ARHGEF4: variants seen among roughly 807,000 people sequenced by gnomAD.
ARHGEF4 encodes the protein Rho guanine nucleotide exchange factor 4.
In ARHGEF4, 119 loss-of-function variants were observed where a neutral mutation model predicts 162.0. The observed-to-expected ratio is 0.73, with a 90% CI of 0.63 to 0.86. The LOEUF (loss-of-function observed/expected upper bound fraction) is 0.86. Among genes scored for constraint, ARHGEF4 ranks in the 40% least tolerant of loss-of-function variants. The probability of loss-of-function intolerance (pLI) is 0.00; values close to 1 mark genes in which losing one functional copy is unlikely to be tolerated. For synonymous variants in ARHGEF4, 1,014 were observed against 979.9 expected (o/e 1.03, Z -0.65); for missense variants, 2,488 against 2,456.0 (o/e 1.01, Z -0.28).
chr2:130,974,616 ATTT>A (rs70994726), intron 4 of ARHGEF4, among the ~76,000 whole-genome samples: 2,932 of 134,212 alleles, frequency 0.022, 148 homozygotes, highest in East Asian at 0.21. Context: ...ACACCCAGCT[ATTT>A]TTTTTTTTTT....
At chr2:131,029,393 C>CT (rs933608791) in intron 5 of ARHGEF4, among the ~76,000 whole-genome samples, 10 of 152,070 alleles carry the variant, frequency 6.6e-5, no homozygotes, top group Admixed American at 6.6e-4. Flanking sequence ...AAATAATGCG[C>CT]TACTCAAAAT....
intron 4 of ARHGEF4, among the ~76,000 whole-genome samples, chr2:130,984,937 T>G (rs906582962): frequency 1.3e-5 from 2 of 152,012 alleles, no homozygotes; most frequent in African/African-American, 4.8e-5. Context: ...ACAAAAGACA[T>G]GCACTTGCCC....
At position 130,946,645 on chromosome 2, in the gene ARHGEF4, G is replaced by T. The variant is rs374400672; in HGVS notation, c.3985+10G>T. The T allele has an allele frequency of 1.2e-6, 2 of 1,613,670 alleles. No homozygotes were observed. The highest frequency in any genetic ancestry group is 2.2e-5 in the South Asian group (2 of 91,060). The stretch of plus-strand genomic sequence containing the variant: ...CACACACCAGGCACTGGTGAGTTAC[G>T]CGCCTCTCTCTTTTGCTATGTACTC... On this transcript the variant is annotated intron_variant, in intron 4 of 13. Coordinates refer to ENST00000409359, the MANE Select transcript of ARHGEF4 (RefSeq NM_001367493.1).
At chr2:130,965,885 G>C (rs1684968762) in intron 4 of ARHGEF4, among the ~76,000 whole-genome samples, 1 of 152,182 alleles carries the variant, frequency 6.6e-6, no homozygotes, top group African/African-American at 2.4e-5. Flanking sequence ...TTGGGAGCAG[G>C]GGGTGGGGAA....
intron 1 of ARHGEF4, among the ~76,000 whole-genome samples, chr2:130,843,367 C>T (rs1411837247): frequency 6.6e-6 from 1 of 152,182 alleles, no homozygotes. Context: ...TGAGCTGAGG[C>T]GGGCTGCCCT....
chr2:130,997,707 T>A (rs375341297), intron 4 of ARHGEF4, among the ~76,000 whole-genome samples: 1 of 152,238 alleles, frequency 6.6e-6, no homozygotes, highest in Non-Finnish European at 1.5e-5. Context: ...CCTTCGTATA[T>A]GGCCTGTTCT....
chr2:130,907,507 A>G (rs540689827), intron 1 of ARHGEF4, among the ~76,000 whole-genome samples: 13 of 151,104 alleles, frequency 8.6e-5, no homozygotes, highest in East Asian at 2.0e-4. Flanking sequence ...ATGAGCCACC[A>G]TGCCCAGTCA....
intron 4 of ARHGEF4, among the ~76,000 whole-genome samples, chr2:130,975,071 G>GGACC (rs1402084526): frequency 1.3e-5 from 2 of 152,142 alleles, no homozygotes; most frequent in Non-Finnish European, 2.9e-5. Flanking sequence ...CCCAGGGGTT[G>GGACC]CCTTGGGTAC....
chr2:130,995,999 C>T (rs560138004), intron 4 of ARHGEF4, among the ~76,000 whole-genome samples: 30 of 151,798 alleles, frequency 2.0e-4, no homozygotes, highest in Non-Finnish European at 2.4e-4. Flanking sequence ...AAGCAATTCT[C>T]CTGCCTCAGC....
chr2:130,949,423 G>A (rs536969316), intron 4 of ARHGEF4, among the ~76,000 whole-genome samples: 23 of 151,292 alleles, frequency 1.5e-4, no homozygotes, highest in Middle Eastern at 3.2e-3. Flanking sequence ...GTGCGATCTC[G>A]GCTCACTGCA....
At chr2:130,970,362 G>A (rs1685274340) in intron 4 of ARHGEF4, among the ~76,000 whole-genome samples, 1 of 152,152 alleles carries the variant, frequency 6.6e-6, no homozygotes, top group Non-Finnish European at 1.5e-5. Flanking sequence ...GCTGAGGCAG[G>A]TGGATCACCT....
intron 4 of ARHGEF4, among the ~76,000 whole-genome samples, chr2:131,007,800 CTTTT>C (rs70994731): frequency 7.2e-5 from 4 of 55,910 alleles, no homozygotes; most frequent in South Asian, 8.4e-4. Flanking sequence ...CTTTTCTTTT[CTTTT>C]TTTTTTTTTT....
At chr2:130,922,042 A>G (rs1559041623) in intron 2 of ARHGEF4, among the ~76,000 whole-genome samples, 1 of 152,100 alleles carries the variant, frequency 6.6e-6, no homozygotes. Flanking sequence ...TTGTCAAACT[A>G]AAATAATCAA....
intron 1 of ARHGEF4, among the ~76,000 whole-genome samples, chr2:130,904,755 A>G (rs990137819): frequency 6.8e-6 from 1 of 146,776 alleles, no homozygotes; most frequent in Non-Finnish European, 1.5e-5. Flanking sequence ...TTATGTGGCA[A>G]TTAGAGGAGA....
chr2:130,911,663 T>C (rs559285808), intron 1 of ARHGEF4, among the ~76,000 whole-genome samples: 1 of 152,346 alleles, frequency 6.6e-6, no homozygotes, highest in African/African-American at 2.4e-5. Context: ...CTTTGTTACC[T>C]GGAAGAGTCA....
intron 5 of ARHGEF4, among the ~76,000 whole-genome samples, chr2:131,031,060 A>C (rs1301713791): frequency 6.6e-6 from 1 of 152,222 alleles, no homozygotes; most frequent in Non-Finnish European, 1.5e-5. Context: ...GCTTGCCCTA[A>C]AATCACACAT....
chr2:131,034,997 C>T, intron 5 of ARHGEF4: 3 of 984,276 alleles, frequency 3.0e-6, no homozygotes, highest in Non-Finnish European at 3.6e-6. Flanking sequence ...GGCCCGCGAG[C>T]GCAGGCGCCC....
intron 4 of ARHGEF4, among the ~76,000 whole-genome samples, chr2:131,022,973 A>G (rs1176600669): frequency 1.3e-5 from 2 of 148,290 alleles, no homozygotes; most frequent in Non-Finnish European, 3.0e-5. Flanking sequence ...CAGCTGTGGT[A>G]GCACAAGCCT....
At chr2:131,012,586 G>T (rs867823708) in intron 4 of ARHGEF4, among the ~76,000 whole-genome samples, 2 of 151,858 alleles carry the variant, frequency 1.3e-5, no homozygotes, top group Admixed American at 6.6e-5. Context: ...GTTGGGGGGT[G>T]GGGGAGGGGT....
Sources: allele counts gnomAD v4.1 joint callset (sites outside exome capture counted in the v4.1 genomes callset), GRCh38; gene constraint gnomAD v4.1.1; transcripts MANE v1.5; gene names NCBI Gene and HGNC (gene_info 2026-07-23, HGNC 2026-07-21).